The following DAB1 variants were observed in gnomAD, a reference collection of about 807,000 sequenced individuals.
DAB1 encodes the protein DAB adaptor protein 1.
A neutral mutation model predicts 64.6 loss-of-function variants in DAB1; 15 were observed. That is an observed-to-expected ratio of 0.23 (90% CI 0.16 to 0.36). DAB1 has a LOEUF of 0.36. Ranked by LOEUF, DAB1 falls within the 10% of genes least tolerant of loss-of-function variation. The pLI is 1.00. For synonymous variants in DAB1, 235 were observed against 251.9 expected (o/e 0.93, Z 0.64); for missense variants, 596 against 706.7 (o/e 0.84, Z 1.78).
chr1:58,292,015 C>T (rs1019084337), intron 4 of DAB1, among the ~76,000 whole-genome samples: 4 of 152,130 alleles, frequency 2.6e-5, no homozygotes, highest in African/African-American at 9.7e-5. Context: ...TCCATTGAGG[C>T]CTTGAACAGA....
intron 4 of DAB1, among the ~76,000 whole-genome samples, chr1:58,307,690 T>C (rs1662337142): frequency 6.6e-6 from 1 of 152,022 alleles, no homozygotes; most frequent in Non-Finnish European, 1.5e-5. Context: ...GGGAAAGGTC[T>C]TCCAGATGGA....
chr1:57,830,901 CTTATT>C (rs1230792238), intron 1 of DAB1, among the ~76,000 whole-genome samples: 1 of 151,944 alleles, frequency 6.6e-6, no homozygotes, highest in Non-Finnish European at 1.5e-5. Flanking sequence ...ACAAATGTTG[CTTATT>C]TTATTTTATT....
chr1:57,751,463 C>G lies in DAB1; in HGVS notation n.552-101798G>C, dbSNP rs185876655. 9.2e-5 allele frequency among the ~76,000 whole-genome samples: 14 copies of G among 152,232 alleles called. No homozygotes were observed. The East Asian group carries it at 2.7e-3, about 30-fold the overall frequency. ...ATGCTACCTCTCAGCCACCCTCTCT[C>G]AGCCCTGATGACTCTTCAGTTCCAG... On this transcript the variant is annotated intron_variant and non_coding_transcript_variant, in intron 6 of 20. Coordinates refer to the DAB1 transcript ENST00000485760.
intron 4 of DAB1, among the ~76,000 whole-genome samples, chr1:58,194,265 C>A (rs2100240326): frequency 6.6e-6 from 1 of 152,296 alleles, no homozygotes; most frequent in African/African-American, 2.4e-5. Context: ...GCACTGTTTA[C>A]CTATGTGATA....
intron 6 of DAB1, among the ~76,000 whole-genome samples, chr1:57,776,454 C>G (rs900694586): frequency 2.0e-5 from 3 of 151,794 alleles, no homozygotes; most frequent in African/African-American, 7.2e-5. Context: ...TAGTTACTGA[C>G]ATAGTTGAAT....
chr1:58,386,312 C>T (rs1009414723), intron 3 of DAB1, among the ~76,000 whole-genome samples: 10 of 151,992 alleles, frequency 6.6e-5, no homozygotes, highest in East Asian at 1.9e-4. Flanking sequence ...TAGTTTGATA[C>T]GTTCTACACT....
chr1:57,952,036 C>G (rs1344402674), intron 5 of DAB1, among the ~76,000 whole-genome samples: 1 of 152,150 alleles, frequency 6.6e-6, no homozygotes, highest in East Asian at 1.9e-4. Flanking sequence ...TTCATTCTTT[C>G]TTCCTTTTAC....
Position 57,757,220 on chromosome 1 carries a change from T to TTTTTTTTTTTTTTTTTTTTTTG in DAB1, n.552-107556_552-107555insCAAAAAAAAAAAAAAAAAAAAA, listed in dbSNP as rs200688727. 8.6e-4 allele frequency among the ~76,000 whole-genome samples: 103 copies of TTTTTTTTTTTTTTTTTTTTTTG among 120,174 alleles called. 8 individuals carry two copies. The highest frequency in any genetic ancestry group is 1.3e-3 in the African/African-American group (48 of 36,310). The allele number at this position is 120,174 out of a possible 152,430, so 78.8% of individuals were successfully genotyped here. On this transcript the variant is annotated intron_variant and non_coding_transcript_variant, in intron 6 of 20. Transcript: ENST00000485760. Reference sequence around the variant, plus strand: ...AGAATTTTTTTTTTTTTTTTTTTTTTAGCAGCAATGATGGAGGCTAACAGC... The same window carrying TTTTTTTTTTTTTTTTTTTTTTG: ...AGAATTTTTTTTTTTTTTTTTTTTTTTTTTTTTTTTTTTTTTTTTTTGAGCAGCAATGATGGAGGCTAACAGC...
intron 4 of DAB1, among the ~76,000 whole-genome samples, chr1:57,105,809 T>A (rs500614): frequency 1.3e-5 from 2 of 151,980 alleles, no homozygotes; most frequent in Non-Finnish European, 2.9e-5. Flanking sequence ...TTTATTTTCA[T>A]GTTCTAATTT....
intron 5 of DAB1, among the ~76,000 whole-genome samples, chr1:57,967,834 GATT>G (rs1645704620): frequency 6.6e-6 from 1 of 152,142 alleles, no homozygotes; most frequent in Non-Finnish European, 1.5e-5. Context: ...GGTGGTGAAT[GATT>G]ATTATAAGGA....
intron 6 of DAB1, among the ~76,000 whole-genome samples, chr1:57,757,540 ATCT>A (rs1039768764): frequency 1.3e-5 from 2 of 151,780 alleles, no homozygotes; most frequent in African/African-American, 4.8e-5. Context: ...TCATATGGTA[ATCT>A]TCTCCCTGTG....
At chr1:57,500,857 G>A (rs886232320) in intron 7 of DAB1, among the ~76,000 whole-genome samples, 7 of 152,196 alleles carry the variant, frequency 4.6e-5, no homozygotes, top group African/African-American at 1.7e-4. Flanking sequence ...GGTCATGGAG[G>A]TGAATTCTGG....
chr1:57,757,657 T>A (rs1227415163), intron 6 of DAB1, among the ~76,000 whole-genome samples: 2 of 152,190 alleles, frequency 1.3e-5, no homozygotes, highest in Non-Finnish European at 2.9e-5. Flanking sequence ...TCCATCCTAA[T>A]GACCTCATTT....
intron 3 of DAB1, among the ~76,000 whole-genome samples, chr1:58,368,783 C>T (rs1644238497): frequency 6.6e-6 from 1 of 152,140 alleles, no homozygotes; most frequent in African/African-American, 2.4e-5. Flanking sequence ...CCACTGGAAA[C>T]TTCTCTGTCC....
intron 1 of DAB1, among the ~76,000 whole-genome samples, chr1:57,391,766 A>AACACACACACACACAC: frequency 1.1e-5 from 1 of 94,566 alleles, no homozygotes; most frequent in South Asian, 2.8e-4. Context: ...CAGAGGAATA[A>AACACACACACACACAC]ACACACACAC....
chr1:57,601,194 A>G (rs1051745527), intron 7 of DAB1, among the ~76,000 whole-genome samples: 2 of 152,146 alleles, frequency 1.3e-5, no homozygotes, highest in Non-Finnish European at 1.5e-5. Flanking sequence ...GAGAGAGTCA[A>G]TCCAGACTCC....
At chr1:57,009,685 T>C (rs1257139772) in intron 14 of DAB1, among the ~76,000 whole-genome samples, 1 of 152,202 alleles carries the variant, frequency 6.6e-6, no homozygotes, top group Non-Finnish European at 1.5e-5. Context: ...TGTGTGTTTA[T>C]AGAAAACTAA....
chr1:57,475,623 T>C (rs1298014409), intron 7 of DAB1, among the ~76,000 whole-genome samples: 1 of 152,182 alleles, frequency 6.6e-6, no homozygotes, highest in African/African-American at 2.4e-5. Context: ...AGCTCTGAGA[T>C]GAGAAAGCGG....
intron 6 of DAB1, among the ~76,000 whole-genome samples, chr1:57,711,452 G>C (rs961482931): frequency 1.3e-5 from 2 of 152,222 alleles, no homozygotes; most frequent in Admixed American, 6.5e-5. Flanking sequence ...CTGCTGACAG[G>C]GGGAGTGGTG....
Sources: gnomAD v4.1 joint callset for allele counts (sites outside exome capture counted in the v4.1 genomes callset) on GRCh38, gnomAD v4.1.1 for gene constraint, MANE v1.5 for transcripts, NCBI Gene and HGNC (gene_info 2026-07-23, HGNC 2026-07-21) for gene names.